MYLK: variants seen among roughly 807,000 people sequenced by gnomAD.
The protein encoded by MYLK is myosin light chain kinase, smooth muscle.
In MYLK, 106 loss-of-function variants were observed where a neutral mutation model predicts 203.4. The ratio of observed to expected loss-of-function variants is 0.52; its 90% CI spans 0.45 to 0.61. The LOEUF is 0.61. Ranked by LOEUF, MYLK falls within the 20% of genes least tolerant of loss-of-function variation. MYLK has a pLI of 0.00. For missense variants in MYLK, 2,072 were observed against 2,442.3 expected, an observed-to-expected ratio of 0.85 and a Z score of 3.20; for synonymous variants, 867 against 959.5, an observed-to-expected ratio of 0.90 and a Z score of 1.78.
chr3:123,679,984 A>T (rs1479375444), intron 20 of MYLK, among the ~76,000 whole-genome samples: 1 of 152,108 alleles, frequency 6.6e-6, no homozygotes, highest in Non-Finnish European at 1.5e-5. Context: ...ACTGCACATG[A>T]CGTGACCTGG....
rs549190700 is a variant in MYLK, at chr3:123,755,742, C to A, written c.166-3204G>T. Among the ~76,000 whole-genome samples the A allele has an allele frequency of 3.4e-4, 52 of 152,208 alleles. 1 individual carries two copies. Among genetic ancestry groups the A allele is most frequent in the African/African-American group, 1.2e-3 (50 of 41,522 alleles). Reference sequence around the variant, plus strand: ...TCTGCTGTCATCACTGGCCTTCCACCAAGAAGTCATAGCTGGGATTTTTAC... The same window carrying A: ...TCTGCTGTCATCACTGGCCTTCCACAAAGAAGTCATAGCTGGGATTTTTAC... On this transcript the variant is annotated intron_variant, in intron 4 of 33. Coordinates refer to ENST00000360304, the MANE Select transcript of MYLK (RefSeq NM_053025.4).
intron 4 of MYLK, among the ~76,000 whole-genome samples, chr3:123,790,877 G>A (rs1453242227): frequency 2.6e-5 from 4 of 152,168 alleles, no homozygotes; most frequent in Non-Finnish European, 2.9e-5. Flanking sequence ...GCAACTTCAC[G>A]GAGGAAAGCA....
intron 4 of MYLK, among the ~76,000 whole-genome samples, chr3:123,773,384 G>A (rs1230768926): frequency 2.0e-5 from 3 of 152,048 alleles, no homozygotes; most frequent in Non-Finnish European, 4.4e-5. Flanking sequence ...TTAAAGTAAG[G>A]AACACGTTTT....
chr3:123,798,122 G>A (rs1246061015), intron 3 of MYLK, among the ~76,000 whole-genome samples: 4 of 152,154 alleles, frequency 2.6e-5, no homozygotes, highest in Non-Finnish European at 4.4e-5. Context: ...ATCATGCTGG[G>A]CACCCATCTC....
At chr3:123,638,037 G>A in intron 29 of MYLK, 34 bp downstream of exon 29, 1 of 1,612,744 alleles carries the variant, frequency 6.2e-7, no homozygotes, top group Non-Finnish European at 8.5e-7. Flanking sequence ...TCCACCAAGT[G>A]GTCCACCAGT....
At chr3:123,763,815 G>A (rs1367360847) in intron 4 of MYLK, among the ~76,000 whole-genome samples, 4 of 152,144 alleles carry the variant, frequency 2.6e-5, no homozygotes, top group East Asian at 1.9e-4. Context: ...CCGTCAGACC[G>A]TTGGTAGATA....
At chr3:123,753,246 A>G (rs937982754) in intron 4 of MYLK, among the ~76,000 whole-genome samples, 4 of 152,244 alleles carry the variant, frequency 2.6e-5, no homozygotes, top group African/African-American at 9.6e-5. Flanking sequence ...TAGATGTTGA[A>G]AAGTAGTATT....
chr3:123,744,110 C>T (rs1029555369), intron 5 of MYLK, among the ~76,000 whole-genome samples: 7 of 152,262 alleles, frequency 4.6e-5, no homozygotes, highest in Admixed American at 3.9e-4. Context: ...CGACCCTGAT[C>T]AAAATTCCCT....
Position 123,692,294 on chromosome 3 carries a change from A to C in MYLK, c.3565+441T>G, listed in dbSNP as rs181149284. On this transcript the variant is annotated intron_variant, in intron 19 of 33. Coordinates refer to ENST00000360304, the MANE Select transcript of MYLK (RefSeq NM_053025.4). ...CAGCCCCGACTCACCTCCTCTAGGAAGTCTCCCACACGGACCTCGCTCTGC... is the reference window on the plus strand; with the variant it reads ...CAGCCCCGACTCACCTCCTCTAGGACGTCTCCCACACGGACCTCGCTCTGC... 116 of 1,121,050 alleles carry C rather than the reference A, an allele frequency of 1.0e-4. No individual in the cohort carries two copies. In the African/African-American group the frequency reaches 1.6e-3, roughly 16 times the overall value. The allele number at this position is 1,121,050 out of a possible 1,614,324, so 69.4% of individuals were successfully genotyped here.
chr3:123,636,272 G>C lies in MYLK; in HGVS notation c.4961+1799C>G, dbSNP rs375474529. Among the ~76,000 whole-genome samples the C allele has an allele frequency of 2.6e-5, 4 of 152,360 alleles. No homozygotes were observed. In the South Asian group the frequency reaches 8.3e-4, roughly 32 times the overall value. On this transcript the variant is annotated intron_variant, in intron 29 of 33. Coordinates refer to ENST00000360304, the MANE Select transcript of MYLK (RefSeq NM_053025.4). ...GACTGGTCCCCTGGCCCGACTGTGG[G>C]AAGTGGGCAGCCACGTGGGCTTCCT...
chr3:123,633,416 T>C (rs1245141481), intron 29 of MYLK, among the ~76,000 whole-genome samples: 2 of 152,206 alleles, frequency 1.3e-5, no homozygotes, highest in African/African-American at 4.8e-5. Flanking sequence ...CATGAGCCAC[T>C]GCGCCCAGCT....
At chr3:123,880,611 G>A (rs930190636) in intron 1 of MYLK, among the ~76,000 whole-genome samples, 3 of 146,432 alleles carry the variant, frequency 2.0e-5, no homozygotes, top group African/African-American at 5.0e-5. Context: ...TGGAAGGGGG[G>A]CAAGGAAGTA....
chr3:123,740,449 C>A lies in MYLK; in HGVS notation c.374-448G>T, dbSNP rs115206317. On this transcript the variant is annotated intron_variant, in intron 5 of 33. Coordinates refer to ENST00000360304, the MANE Select transcript of MYLK (RefSeq NM_053025.4). ...TCAGTTAAAGGGAGGGAGGGAAAGG[C>A]CCATGCCTATCTCTTACCACACCTA... Among the ~76,000 whole-genome samples the A allele has an allele frequency of 3.4e-3, 518 of 152,316 alleles. 3 individuals are homozygous for A. Among genetic ancestry groups the A allele is most frequent in the Middle Eastern group, 0.014 (4 of 294 alleles).
chr3:123,635,804 G>C (rs2058621472), intron 29 of MYLK, among the ~76,000 whole-genome samples: 1 of 152,056 alleles, frequency 6.6e-6, no homozygotes, highest in Non-Finnish European at 1.5e-5. Context: ...ACGTGAACCA[G>C]AATGCTTCCA....
chr3:123,745,636 A>C (rs1488475784), intron 5 of MYLK, among the ~76,000 whole-genome samples: 2 of 152,100 alleles, frequency 1.3e-5, no homozygotes, highest in Non-Finnish European at 2.9e-5. Context: ...TTCTTAGTAC[A>C]GGGGATGAAG....
At chr3:123,848,324 A>G (rs533007952) in intron 2 of MYLK, among the ~76,000 whole-genome samples, 1 of 148,904 alleles carries the variant, frequency 6.7e-6, no homozygotes, top group South Asian at 2.1e-4. Context: ...ATTCTATTTC[A>G]TTTGTCTTCC....
At chr3:123,707,063 C>T (rs1216526198) in intron 16 of MYLK, among the ~76,000 whole-genome samples, 1 of 152,202 alleles carries the variant, frequency 6.6e-6, no homozygotes, top group African/African-American at 2.4e-5. Flanking sequence ...GACCTGGGCT[C>T]CCTCTTCGAT....
chr3:123,667,269 G>T, intron 20 of MYLK, 82 bp from the exon 21 acceptor site: 1 of 1,334,966 alleles, frequency 7.5e-7, no homozygotes, highest in Non-Finnish European at 1.1e-6. Context: ...ATGCAGTCTT[G>T]TCCACTGGCC....
At chr3:123,834,251 G>C (rs968338541) in intron 2 of MYLK, among the ~76,000 whole-genome samples, 5 of 152,132 alleles carry the variant, frequency 3.3e-5, no homozygotes, top group Admixed American at 6.5e-5. Context: ...TCACCATGTT[G>C]GCTAGGCTGG....
Sources: gnomAD v4.1 joint callset for allele counts (sites outside exome capture counted in the v4.1 genomes callset) on GRCh38, gnomAD v4.1.1 for gene constraint, MANE v1.5 for transcripts, NCBI Gene and HGNC (gene_info 2026-07-23, HGNC 2026-07-21) for gene names.